SETD3: variants seen among roughly 807,000 people sequenced by gnomAD.
SETD3 encodes SET domain containing 3, actin N3(tau)-histidine methyltransferase.
SETD3 carries 19 observed loss-of-function variants against 63.0 expected under a neutral mutation model. The observed-to-expected ratio is 0.30, with a 90% CI of 0.21 to 0.44. The LOEUF is 0.44. Ranked by LOEUF, SETD3 falls within the 20% of genes least tolerant of loss-of-function variation. The pLI is 1.00. For synonymous variants in SETD3, 286 were observed against 264.1 expected (o/e 1.08, Z -0.80); for missense variants, 587 against 728.5 (o/e 0.81, Z 2.24).
chr14:99,465,089 T>C (rs898803299), intron 2 of SETD3, among the ~76,000 whole-genome samples: 2 of 152,142 alleles, frequency 1.3e-5, no homozygotes, highest in African/African-American at 2.4e-5. Context: ...TGAGTCGTCA[T>C]AGTGCCATGG....
chr14:99,453,344 A>T (rs76104325), intron 6 of SETD3, among the ~76,000 whole-genome samples: 308 of 152,312 alleles, frequency 2.0e-3, no homozygotes, highest in Non-Finnish European at 3.7e-3. Context: ...AACTAGAAAA[A>T]CAGCTAGACT....
Position 99,403,455 on chromosome 14 carries a change from ACTCTCTCTCTCTCTCTCT to A in SETD3, c.1177+752_1177+769del, listed in dbSNP as rs55804663. ...TACACACACACACACACACACACAC[ACTCTCTCTCTCTCTCTCT>A]CTCTCTCTCTCTCTCTTTCTCTCTC... On this transcript the variant is annotated intron_variant, in intron 11 of 12. Transcript: ENST00000331768. 3.0e-5 allele frequency among the ~76,000 whole-genome samples: 4 copies of A among 135,540 alleles called. No individual in the cohort carries two copies. The East Asian group carries it at 6.7e-4, about 23-fold the overall frequency. 88.9% of individuals were successfully genotyped at this position (135,540 alleles called of 152,430 possible).
intron 10 of SETD3, among the ~76,000 whole-genome samples, chr14:99,404,573 G>A (rs1212277890): frequency 1.3e-5 from 2 of 152,100 alleles, no homozygotes; most frequent in African/African-American, 4.8e-5. Flanking sequence ...GTAATCTCAG[G>A]TTGCACATAA....
intron 6 of SETD3, among the ~76,000 whole-genome samples, chr14:99,433,390 A>G (rs1263770699): frequency 6.6e-6 from 1 of 152,122 alleles, no homozygotes; most frequent in Non-Finnish European, 1.5e-5. Flanking sequence ...TATTAATTAC[A>G]TGTTTAATAG....
At chr14:99,456,916 T>C (rs935720711) in intron 6 of SETD3, among the ~76,000 whole-genome samples, 15 of 151,840 alleles carry the variant, frequency 9.9e-5, no homozygotes, top group African/African-American at 3.6e-4. Flanking sequence ...CAGAAGAGAG[T>C]CCTCTCAGAG....
At chr14:99,407,184 T>G (rs1036576060) in intron 8 of SETD3, among the ~76,000 whole-genome samples, 10 of 152,212 alleles carry the variant, frequency 6.6e-5, no homozygotes, top group African/African-American at 2.4e-4. Flanking sequence ...CTCTTTCTGC[T>G]GAGAAATACA....
At chr14:99,430,169 G>A (rs1184901454) in intron 6 of SETD3, among the ~76,000 whole-genome samples, 7 of 152,208 alleles carry the variant, frequency 4.6e-5, no homozygotes, top group Non-Finnish European at 1.0e-4. Flanking sequence ...CCACTGAGGA[G>A]GAGAAGAGTA....
intron 4 of SETD3, among the ~76,000 whole-genome samples, chr14:99,460,557 T>G (rs1274252247): frequency 2.0e-5 from 3 of 151,760 alleles, no homozygotes; most frequent in Non-Finnish European, 2.9e-5. Context: ...CAAGTCCAGT[T>G]CCTTCTCCCA....
chr14:99,420,629 C>T (rs1415876214), intron 6 of SETD3, among the ~76,000 whole-genome samples: 1 of 152,160 alleles, frequency 6.6e-6, no homozygotes. Flanking sequence ...ATCCTTCTAT[C>T]CTATGTTCCC....
chr14:99,401,856 G>A (rs555081227), intron 11 of SETD3, among the ~76,000 whole-genome samples: 2 of 152,240 alleles, frequency 1.3e-5, no homozygotes, highest in Admixed American at 6.5e-5. Context: ...GCAGGTGTGC[G>A]GCAGAGCTTT....
chr14:99,411,582 A>G (rs1260071949), intron 8 of SETD3: 4 of 152,212 alleles, frequency 2.6e-5, no homozygotes, highest in African/African-American at 9.7e-5. Flanking sequence ...AATTTTATTA[A>G]AAAGAACTCT....
chr14:99,463,990 C>T (rs189179544), intron 2 of SETD3, among the ~76,000 whole-genome samples: 11 of 152,310 alleles, frequency 7.2e-5, no homozygotes, highest in Admixed American at 2.6e-4. Context: ...TAGTAAAAGT[C>T]AACCTTTCTT....
At chr14:99,436,837 G>A (rs1002496619) in intron 6 of SETD3, among the ~76,000 whole-genome samples, 4 of 152,084 alleles carry the variant, frequency 2.6e-5, no homozygotes, top group Non-Finnish European at 4.4e-5. Flanking sequence ...CTTCAGCACC[G>A]GTTTAAGTCC....
chr14:99,471,001 T>A (rs373288246), intron 1 of SETD3, among the ~76,000 whole-genome samples: 1 of 152,142 alleles, frequency 6.6e-6, no homozygotes, highest in East Asian at 1.9e-4. Context: ...GGTGAGTATA[T>A]CAGGGTCCTC....
At chr14:99,463,671 C>G (rs897787768) in intron 2 of SETD3, 93 bp from the exon 3 acceptor site, 9 of 1,013,226 alleles carry the variant, frequency 8.9e-6, no homozygotes, top group Admixed American at 8.6e-5. Flanking sequence ...TTTGTTGTTG[C>G]TGTTCTGGGG....
intron 1 of SETD3, among the ~76,000 whole-genome samples, chr14:99,477,469 TCTCAGCCCAGTGCGGTGG>T (rs1250318060): frequency 6.6e-6 from 1 of 152,194 alleles, no homozygotes; most frequent in Non-Finnish European, 1.5e-5. Context: ...AAAAGCCAAG[TCTCAGCCCAGTGCGGTGG>T]CTCACGCCTG....
chr14:99,466,109 T>A (rs1011099036), intron 1 of SETD3, among the ~76,000 whole-genome samples: 16 of 152,170 alleles, frequency 1.1e-4, no homozygotes, highest in African/African-American at 2.9e-4. Context: ...TAGATTTCAC[T>A]GTGCAGACTA....
intron 6 of SETD3, among the ~76,000 whole-genome samples, chr14:99,422,212 T>TAC (rs1892632214): frequency 6.6e-6 from 1 of 152,216 alleles, no homozygotes; most frequent in African/African-American, 2.4e-5. Flanking sequence ...AATACATGTA[T>TAC]GAGAGAGGTC....
chr14:99,420,290 C>T (rs1308361312), intron 6 of SETD3, among the ~76,000 whole-genome samples: 1 of 152,148 alleles, frequency 6.6e-6, no homozygotes, highest in Non-Finnish European at 1.5e-5. Context: ...CTTCTTTGAC[C>T]CCCTGTGAGT....
Sources: allele counts gnomAD v4.1 joint callset (sites outside exome capture counted in the v4.1 genomes callset), GRCh38; gene constraint gnomAD v4.1.1; transcripts MANE v1.5; gene names NCBI Gene and HGNC (gene_info 2026-07-23, HGNC 2026-07-21).